UGT1A9: variants seen among roughly 807,000 people sequenced by gnomAD.
UGT1A9 encodes UDP-glucuronosyltransferase 1A9.
A neutral mutation model predicts 45.0 loss-of-function variants in UGT1A9; 35 were observed. The ratio of observed to expected loss-of-function variants is 0.78; its 90% CI spans 0.59 to 1.03. The LOEUF (loss-of-function observed/expected upper bound fraction) is 1.03. Ranked by LOEUF, UGT1A9 falls within the 50% of genes least tolerant of loss-of-function variation. UGT1A9 has a pLI of 0.00. For missense variants in UGT1A9, 687 were observed against 666.6 expected, an observed-to-expected ratio of 1.03 and a Z score of -0.34; for synonymous variants, 278 against 250.6, an observed-to-expected ratio of 1.11 and a Z score of -1.03.
chr2:233,772,520 A>C lies in UGT1A9; in HGVS notation c.1554A>C (p.Lys518Asn). The change falls in exon 5 of 5, where the codon AAA (lysine) becomes AAC (asparagine). Residue 518 changes from lysine (K) to asparagine (N), a missense_variant. Coordinates refer to ENST00000354728, the MANE Select transcript of UGT1A9 (RefSeq NM_021027.3). ...AYGYRKCLGK[K>N]GRVKKAHKSK... is the part of the protein sequence containing the mutation. ...GCTACCGGAAATGCTTGGGGAAAAA[A>C]GGGCGAGTTAAGAAAGCCCACAAAT... 1.2e-6 allele frequency: 2 copies of C among 1,614,206 alleles called. No individual in the cohort carries two copies. Among genetic ancestry groups the C allele is most frequent in the Non-Finnish European group, 1.7e-6 (2 of 1,180,032 alleles).
chr2:233,702,368 C>T (rs1045977241), intron 1 of UGT1A9, among the ~76,000 whole-genome samples: 12 of 151,930 alleles, frequency 7.9e-5, no homozygotes, highest in African/African-American at 2.2e-4. Context: ...TAGTGGATTT[C>T]GTAGGATTTT....
At chr2:233,740,937 T>A (rs1575638428) in intron 1 of UGT1A9, 2 of 146,280 alleles carry the variant, frequency 1.4e-5, no homozygotes, top group Admixed American at 6.8e-5. Context: ...GTTTTTTTTT[T>A]AATTAGCTAG....
intron 1 of UGT1A9, among the ~76,000 whole-genome samples, chr2:233,705,135 TGA>T (rs1491386088): frequency 0.019 from 1,905 of 98,440 alleles, 46 homozygotes; most frequent in African/African-American, 0.1. Context: ...AGACTTCGTC[TGA>T]AAAAAAAAAA....
At chr2:233,754,004 G>T (rs1256062754) in intron 1 of UGT1A9, among the ~76,000 whole-genome samples, 1 of 152,190 alleles carries the variant, frequency 6.6e-6, no homozygotes, top group African/African-American at 2.4e-5. Context: ...TGGGTAATTT[G>T]TTACAGCCAT....
intron 1 of UGT1A9, among the ~76,000 whole-genome samples, chr2:233,724,578 C>T (rs1404328313): frequency 0.029 from 3,589 of 123,690 alleles, 110 homozygotes; most frequent in African/African-American, 0.043. Context: ...GGGGCAGAGG[C>T]GCTCCCCACA....
intron 1 of UGT1A9, among the ~76,000 whole-genome samples, chr2:233,723,358 C>T (rs1313054035): frequency 2.4e-4 from 30 of 124,194 alleles, no homozygotes; most frequent in African/African-American, 9.2e-4. Flanking sequence ...TACAGGCACA[C>T]GTCACCACAC....
chr2:233,717,852 T>A (rs1267229703), intron 1 of UGT1A9: 1 of 455,074 alleles, frequency 2.2e-6, no homozygotes, highest in Non-Finnish European at 4.4e-6. Flanking sequence ...TTATCAGAAC[T>A]TGGTGCTGGA....
At chr2:233,673,188 T>C (rs2741049) in intron 1 of UGT1A9, among the ~76,000 whole-genome samples, 93,563 of 151,962 alleles carry the variant, frequency 0.62, 29,066 homozygotes, top group South Asian at 0.65. Context: ...ATATCTAATG[T>C]AAATTCTCAC....
chr2:233,700,829 G>A (rs890006339), intron 1 of UGT1A9, among the ~76,000 whole-genome samples: 7 of 151,704 alleles, frequency 4.6e-5, no homozygotes, highest in African/African-American at 1.7e-4. Context: ...CCATTAACTC[G>A]TCATTTAGCA....
intron 1 of UGT1A9, among the ~76,000 whole-genome samples, chr2:233,694,115 C>G (rs535422015): frequency 2.0e-5 from 3 of 152,126 alleles, no homozygotes; most frequent in Non-Finnish European, 4.4e-5. Context: ...TAATCTGGGA[C>G]AGTCACATAC....
At chr2:233,730,084 A>G (rs962499834) in intron 1 of UGT1A9, 3 of 1,600,988 alleles carry the variant, frequency 1.9e-6, no homozygotes, top group African/African-American at 2.7e-5. Context: ...ATATTTACTT[A>G]TCTTTCCAAA....
At chr2:233,698,531 A>T (rs1411997726) in intron 1 of UGT1A9, among the ~76,000 whole-genome samples, 1 of 152,256 alleles carries the variant, frequency 6.6e-6, no homozygotes, top group Non-Finnish European at 1.5e-5. Flanking sequence ...CATAAAGTAA[A>T]CAGAACACGA....
chr2:233,690,266 G>T (rs574382327), intron 1 of UGT1A9, among the ~76,000 whole-genome samples: 2 of 152,234 alleles, frequency 1.3e-5, no homozygotes, highest in Non-Finnish European at 2.9e-5. Flanking sequence ...CAAACATTTT[G>T]CAGGTCCTTT....
chr2:233,772,238 T>C (rs765306920), intron 4 of UGT1A9, 24 bp from the exon 5 acceptor site: 1 of 1,613,980 alleles, frequency 6.2e-7, no homozygotes, highest in African/African-American at 1.3e-5. Context: ...GTTCCAGGCA[T>C]AACGAAACTG....
chr2:233,708,741 AC>A (rs1376464214), intron 1 of UGT1A9: 6 of 151,844 alleles, frequency 4.0e-5, no homozygotes, highest in African/African-American at 1.2e-4. Flanking sequence ...ACAGAGCAAG[AC>A]CCTGACCAAC....
At position 233,751,264 on chromosome 2, in the gene UGT1A9, CT is replaced by C. The variant is rs1248433988; in HGVS notation, c.856-15763del. Among the ~76,000 whole-genome samples the C allele has an allele frequency of 2.6e-5, 4 of 151,986 alleles. No homozygotes were observed. The East Asian group carries it at 7.7e-4, about 29-fold the overall frequency. On this transcript the variant is annotated intron_variant, in intron 1 of 4. Coordinates refer to ENST00000354728, the MANE Select transcript of UGT1A9 (RefSeq NM_021027.3). ...GGACTTGCATGGGGCCTGTAGCCCC[CT>C]TTTTTTGGCCAGTTTCTCCCATTTG...
At chr2:233,721,629 A>G (rs923769431) in intron 1 of UGT1A9, 1 of 200,638 alleles carries the variant, frequency 5.0e-6, no homozygotes, top group Non-Finnish European at 1.0e-5. Context: ...ATCAGTAAAG[A>G]TCATCTTGAA....
intron 1 of UGT1A9, chr2:233,692,273 C>T (rs1455446026): frequency 6.6e-6 from 1 of 152,386 alleles, no homozygotes; most frequent in African/African-American, 2.4e-5. Flanking sequence ...GTACTTTTTC[C>T]TCTGGCTATT....
chr2:233,705,467 A>G (rs1370411628), intron 1 of UGT1A9, among the ~76,000 whole-genome samples: 1 of 152,208 alleles, frequency 6.6e-6, no homozygotes, highest in African/African-American at 2.4e-5. Flanking sequence ...TAGCAGACAC[A>G]CATGAGGCAA....
Sources: gnomAD v4.1 joint callset for allele counts (sites outside exome capture counted in the v4.1 genomes callset) on GRCh38, gnomAD v4.1.1 for gene constraint, MANE v1.5 for transcripts, NCBI Gene and HGNC (gene_info 2026-07-23, HGNC 2026-07-21) for gene names.